Variants in CRB1 observed in about 807,000 individuals in gnomAD.
CRB1 encodes the protein crumbs cell polarity complex component 1, also known as protein crumbs homolog 1.
In CRB1, 83 loss-of-function variants were observed where a neutral mutation model predicts 120.0. That is an observed-to-expected ratio of 0.69 (90% CI 0.58 to 0.83). The LOEUF (loss-of-function observed/expected upper bound fraction) is 0.83, where lower values mean the gene tolerates loss of function less well. CRB1 is among the 40% of genes least tolerant of loss of function. The pLI is 0.00. For synonymous variants in CRB1, 625 were observed against 612.5 expected (o/e 1.02, Z -0.30); for missense variants, 1,699 against 1,687.6 (o/e 1.01, Z -0.12).
chr1:197,415,590 C>A (rs1409663548), intron 5 of CRB1, among the ~76,000 whole-genome samples: 4 of 150,552 alleles, frequency 2.7e-5, no homozygotes, highest in Non-Finnish European at 5.9e-5. Flanking sequence ...TTTACACACA[C>A]AAAGACCTCT....
At chr1:197,427,305 T>C (rs1333241379) in intron 6 of CRB1, 149 bp from the exon 7 acceptor site, 4 of 661,756 alleles carry the variant, frequency 6.0e-6, no homozygotes, top group Non-Finnish European at 8.0e-6. Flanking sequence ...AATAAACCTG[T>C]CCTGAACTTT....
At chr1:197,417,812 A>G (rs1263229721) in intron 5 of CRB1, among the ~76,000 whole-genome samples, 1 of 152,222 alleles carries the variant, frequency 6.6e-6, no homozygotes, top group Non-Finnish European at 1.5e-5. Flanking sequence ...GACAAAACAC[A>G]TAAATCTGAA....
chr1:197,241,996 T>C, the CRB1 span, among the ~76,000 whole-genome samples: 37 of 152,152 alleles, frequency 2.4e-4, no homozygotes, highest in African/African-American at 8.9e-4. Flanking sequence ...TCTGTTTGTC[T>C]CATTGGTGTA....
At chr1:197,430,640 G>T (rs549690401) in intron 8 of CRB1, among the ~76,000 whole-genome samples, 1 of 151,810 alleles carries the variant, frequency 6.6e-6, no homozygotes, top group Admixed American at 6.6e-5. Context: ...ACTTCATTCA[G>T]GTTTCTACAC....
intron 5 of CRB1, among the ~76,000 whole-genome samples, chr1:197,403,134 C>T (rs1015189089): frequency 6.6e-6 from 1 of 152,082 alleles, no homozygotes; most frequent in Non-Finnish European, 1.5e-5. Flanking sequence ...AGCTCTTTAG[C>T]GTTATGTTCC....
At chr1:197,244,299 G>A in the CRB1 span, among the ~76,000 whole-genome samples, 1 of 152,078 alleles carries the variant, frequency 6.6e-6, no homozygotes, top group Non-Finnish European at 1.5e-5. Flanking sequence ...GTATGTTTTT[G>A]CAGTGGCTGG....
chr1:197,397,057 A>C (rs2125424972), intron 5 of CRB1, among the ~76,000 whole-genome samples: 1 of 152,248 alleles, frequency 6.6e-6, no homozygotes, highest in South Asian at 2.1e-4. Flanking sequence ...TTACATATTG[A>C]TATTCAGAAT....
At chr1:197,454,266 T>A (rs1363721399) in intron 11 of CRB1, among the ~76,000 whole-genome samples, 1 of 27,026 alleles carries the variant, frequency 3.7e-5, no homozygotes, top group Non-Finnish European at 1.8e-4. Flanking sequence ...CCACAATTTT[T>A]TAAAAAGTTA....
intron 5 of CRB1, among the ~76,000 whole-genome samples, chr1:197,388,741 G>T (rs1027014411): frequency 6.6e-6 from 1 of 152,036 alleles, no homozygotes; most frequent in African/African-American, 2.4e-5. Flanking sequence ...CTTCATGAGA[G>T]AATTGCTACA....
intron 1 of CRB1, among the ~76,000 whole-genome samples, chr1:197,283,368 T>C (rs1655644375): frequency 1.3e-5 from 2 of 151,846 alleles, no homozygotes; most frequent in Middle Eastern, 3.4e-3. Context: ...GAACCCAATG[T>C]GTAGTCTGTT....
the CRB1 span, among the ~76,000 whole-genome samples, chr1:197,236,434 C>T: frequency 2.6e-5 from 4 of 152,148 alleles, no homozygotes; most frequent in Non-Finnish European, 4.4e-5. Context: ...CTCCTGACCT[C>T]GTGATCCAAC....
chr1:197,353,770 C>T (rs531493083), intron 4 of CRB1, among the ~76,000 whole-genome samples: 2 of 147,680 alleles, frequency 1.4e-5, no homozygotes, highest in East Asian at 4.0e-4. Flanking sequence ...CAATGCCCTG[C>T]ACCCTGGGCT....
At chr1:197,238,699 G>A in the CRB1 span, among the ~76,000 whole-genome samples, 1 of 151,928 alleles carries the variant, frequency 6.6e-6, no homozygotes, top group African/African-American at 2.4e-5. Flanking sequence ...TACAAAATTA[G>A]CCAGCATGGT....
chr1:197,424,661 A>C (rs974257692), intron 6 of CRB1, among the ~76,000 whole-genome samples: 1 of 152,112 alleles, frequency 6.6e-6, no homozygotes, highest in Non-Finnish European at 1.5e-5. Flanking sequence ...TGGCAGCCAC[A>C]CTTCGTGATT....
chr1:197,370,800 TC>T (rs1407054982), intron 5 of CRB1, among the ~76,000 whole-genome samples: 1 of 152,156 alleles, frequency 6.6e-6, no homozygotes, highest in Non-Finnish European at 1.5e-5. Context: ...CGGTACCTTC[TC>T]CTCAGTCACT....
chr1:197,457,934 G>A (rs1012815841), intron 11 of CRB1, among the ~76,000 whole-genome samples: 1 of 152,084 alleles, frequency 6.6e-6, no homozygotes, highest in Admixed American at 6.6e-5. Flanking sequence ...TTTATTGATA[G>A]TGTAAGTGCC....
rs1009552469 is a variant in CRB1 at position 197,427,748 on chromosome 1, A to G, written c.2423A>G (p.Tyr808Cys). 1.9e-6 allele frequency: 3 copies of G among 1,614,034 alleles called. No individual in the cohort carries two copies. ...ATCAAGCCATATAAAATTGAACTGT[A>G]TCAGTCTTCACAAAACCTAGGATTT... ...LKIKPYKIELYQSSQNLGFIS... is the reference protein window; with the variant it reads ...LKIKPYKIELCQSSQNLGFIS... Residue 808 changes from tyrosine (Y) to cysteine (C), a missense_variant, in exon 7 of 12, where the codon TAT (tyrosine) becomes TGT (cysteine). Physicochemically the swap from Tyr to Cys is radical, Grantham distance 194. Transcript: ENST00000367400.
chr1:197,421,657 A>G lies in CRB1; in HGVS notation c.1829A>G (p.Asn610Ser), dbSNP rs143655463. 1.4e-5 allele frequency: 22 copies of G among 1,613,986 alleles called. No homozygotes were observed. In the African/African-American group the frequency reaches 2.7e-4, roughly 20 times the overall value. ...GATCAATCAATATGTGCTTTTCAGA[A>G]CTCCTTTTTGGGTGGTTTACCAGTG... ...ESDQSICAFQNSFLGGLPVGM... is the reference protein window; with the variant it reads ...ESDQSICAFQSSFLGGLPVGM... The change falls in exon 6 of 12, where the codon AAC becomes AGC. Residue 610 changes from asparagine to serine, a missense_variant. Coordinates refer to ENST00000367400, the MANE Select transcript of CRB1 (RefSeq NM_201253.3).
At chr1:197,349,463 A>G (rs1408437612) in intron 4 of CRB1, among the ~76,000 whole-genome samples, 1 of 152,198 alleles carries the variant, frequency 6.6e-6, no homozygotes, top group Non-Finnish European at 1.5e-5. Context: ...CTGGGAAAAA[A>G]TGATAAACTT....
Sources: allele counts gnomAD v4.1 joint callset (sites outside exome capture counted in the v4.1 genomes callset), GRCh38; gene constraint gnomAD v4.1.1; transcripts MANE v1.5; gene names NCBI Gene and HGNC (gene_info 2026-07-23, HGNC 2026-07-21).